Variants in STX7 observed in about 807,000 individuals in gnomAD.
STX7 encodes the protein syntaxin 7.
A neutral mutation model predicts 39.6 loss-of-function variants in STX7; 34 were observed. The ratio of observed to expected loss-of-function variants is 0.86; its 90% confidence interval spans 0.65 to 1.14. The LOEUF (loss-of-function observed/expected upper bound fraction) is 1.14. Ranked by LOEUF, STX7 falls within the 50% of genes most tolerant of loss-of-function variation. The pLI is 0.00. For missense variants in STX7, 284 were observed against 310.4 expected, an observed-to-expected ratio of 0.92 and a Z score of 0.64; for synonymous variants, 119 against 99.1, an observed-to-expected ratio of 1.20 and a Z score of -1.19.
At chr6:132,505,708 C>CA (rs1309595543) in intron 1 of STX7, among the ~76,000 whole-genome samples, 1 of 128,374 alleles carries the variant, frequency 7.8e-6, no homozygotes, top group Admixed American at 8.9e-5. Flanking sequence ...TCCTTGAAAC[C>CA]ATGCAATTTT....
intron 8 of STX7, among the ~76,000 whole-genome samples, chr6:132,464,802 C>A (rs188241608): frequency 2.0e-4 from 30 of 152,300 alleles, no homozygotes; most frequent in South Asian, 4.1e-4. Context: ...CAACATACTT[C>A]TGTGCTAAAA....
intron 2 of STX7, among the ~76,000 whole-genome samples, chr6:132,476,620 A>G (rs1332738108): frequency 6.6e-6 from 1 of 152,180 alleles, no homozygotes; most frequent in African/African-American, 2.4e-5. Flanking sequence ...TAAAAAACAC[A>G]TTAAACAAAA....
chr6:132,483,684 G>A (rs1171295260), intron 2 of STX7, among the ~76,000 whole-genome samples: 3 of 152,044 alleles, frequency 2.0e-5, no homozygotes, highest in Non-Finnish European at 4.4e-5. Context: ...TCTGGTTTTT[G>A]GCCATCTCCT....
At position 132,448,196 on chromosome 6, in the gene STX7, A is replaced by C. The variant is rs1774058968; in HGVS notation, c.*12562T>G. On this transcript the variant is annotated 3_prime_UTR_variant, in exon 10 of 10. Transcript: ENST00000367941. ...CATATACATTTCCTGAGTTATGTAA[A>C]ATGTTGCTAGTATTTTAATTACGCT... 6.6e-6 allele frequency: 1 copy of C among 152,158 alleles called. No homozygotes were observed. The highest frequency in any genetic ancestry group is 1.5e-5 in the Non-Finnish European group (1 of 68,022). 9.4% of individuals were successfully genotyped at this position (152,158 alleles called of 1,614,324 possible). A position where few individuals can be genotyped will look rare whatever the true frequency, so the allele number is the denominator to read the frequency against.
At chr6:132,509,042 C>T (rs76816206) in intron 1 of STX7, among the ~76,000 whole-genome samples, 1,660 of 152,082 alleles carry the variant, frequency 0.011, 14 homozygotes, top group South Asian at 0.018. Context: ...ATCATTATGC[C>T]TCATTATCAT....
intron 7 of STX7, among the ~76,000 whole-genome samples, chr6:132,469,236 A>C (rs773315064): frequency 4.6e-5 from 7 of 152,198 alleles, no homozygotes; most frequent in Admixed American, 1.3e-4. Context: ...TGTCATAAAC[A>C]TAGTAAAGAG....
intron 2 of STX7, among the ~76,000 whole-genome samples, chr6:132,496,099 T>C (rs1270073465): frequency 3.3e-5 from 5 of 152,158 alleles, no homozygotes; most frequent in Admixed American, 3.3e-4. Context: ...CCAAATTTTC[T>C]GGAAAAAACA....
At chr6:132,476,954 AG>A (rs1774890749) in intron 2 of STX7, among the ~76,000 whole-genome samples, 1 of 152,128 alleles carries the variant, frequency 6.6e-6, no homozygotes, top group Admixed American at 6.6e-5. Flanking sequence ...TATTTAAATG[AG>A]TGGTTTACTT....
intron 3 of STX7, 69 bp downstream of exon 3, chr6:132,475,524 T>C: frequency 2.7e-6 from 3 of 1,119,424 alleles, no homozygotes; most frequent in Non-Finnish European, 3.8e-6. Context: ...TACTACATAC[T>C]GTAAAAGCAA....
chr6:132,484,342 G>C (rs189182703), intron 2 of STX7, among the ~76,000 whole-genome samples: 13 of 152,256 alleles, frequency 8.5e-5, no homozygotes, highest in African/African-American at 3.1e-4. Context: ...ACGTGGGTCT[G>C]CTGCCATCTA....
chr6:132,503,772 G>A (rs1299882470), intron 1 of STX7, among the ~76,000 whole-genome samples, 184 bp from the exon 2 acceptor site: 3 of 150,854 alleles, frequency 2.0e-5, no homozygotes, highest in Admixed American at 1.3e-4. Context: ...GGACTTCAAA[G>A]GACAGAGTCA....
rs373192158 is a variant in STX7, at chr6:132,472,428, C to T, written c.156-53G>A. The stretch of plus-strand genomic sequence containing the variant: ...CAAAGGACTAATATACTTCTTTAAG[C>T]TTCAACTCTGCCTTTTGAATCAACA... On this transcript the variant is annotated intron_variant, in intron 3 of 9. Coordinates refer to ENST00000367941, the MANE Select transcript of STX7 (RefSeq NM_003569.3). The T allele has an allele frequency of 7.7e-5, 105 of 1,371,102 alleles. No homozygotes were observed. The African/African-American group carries it at 1.4e-3, about 19-fold the overall frequency. The allele number at this position is 1,371,102 out of a possible 1,614,324, so 84.9% of individuals were successfully genotyped here. A position where few individuals can be genotyped will look rare whatever the true frequency, so the allele number is the denominator to read the frequency against.
chr6:132,473,520 G>GTTTTTTT (rs398066285), intron 3 of STX7, among the ~76,000 whole-genome samples: 12 of 136,290 alleles, frequency 8.8e-5, no homozygotes, highest in East Asian at 2.1e-4. Flanking sequence ...TTATTGTGTT[G>GTTTTTTT]TTTTTTTTTT....
At chr6:132,462,510 G>A (rs956611512) in intron 9 of STX7, among the ~76,000 whole-genome samples, 3 of 151,806 alleles carry the variant, frequency 2.0e-5, no homozygotes, top group Non-Finnish European at 4.4e-5. Context: ...TGTGAACCTA[G>A]TCACTGATGG....
chr6:132,501,875 A>AT (rs1042283585), intron 2 of STX7, among the ~76,000 whole-genome samples: 4 of 151,822 alleles, frequency 2.6e-5, no homozygotes, highest in African/African-American at 4.8e-5. Flanking sequence ...CAAGGGAGCC[A>AT]TTAAAAAAAA....
At chr6:132,507,161 T>G (rs979004416) in intron 1 of STX7, among the ~76,000 whole-genome samples, 1 of 151,826 alleles carries the variant, frequency 6.6e-6, no homozygotes, top group African/African-American at 2.4e-5. Flanking sequence ...GATGGGAGGG[T>G]GAGGGATGAG....
At chr6:132,466,331 T>C (rs2114362830) in intron 8 of STX7, among the ~76,000 whole-genome samples, 1 of 152,316 alleles carries the variant, frequency 6.6e-6, no homozygotes, top group South Asian at 2.1e-4. Flanking sequence ...TTCCTCCATA[T>C]CACTGGCTAT....
At chr6:132,463,335 A>G (rs1463244233) in intron 9 of STX7, among the ~76,000 whole-genome samples, 1 of 152,246 alleles carries the variant, frequency 6.6e-6, no homozygotes, top group East Asian at 1.9e-4. Context: ...GCCTTATCCA[A>G]TTTGAACATC....
At chr6:132,509,366 C>T (rs1775782033) in intron 1 of STX7, among the ~76,000 whole-genome samples, 1 of 151,900 alleles carries the variant, frequency 6.6e-6, no homozygotes, top group African/African-American at 2.4e-5. Context: ...GCAGGACAAT[C>T]GCTTGAACCC....
Sources: gnomAD v4.1 joint callset for allele counts (sites outside exome capture counted in the v4.1 genomes callset) on GRCh38, gnomAD v4.1.1 for gene constraint, MANE v1.5 for transcripts, NCBI Gene and HGNC (gene_info 2026-07-23, HGNC 2026-07-21) for gene names.